ADHFE1: variants seen among roughly 807,000 people sequenced by gnomAD.
ADHFE1 encodes alcohol dehydrogenase iron containing 1.
Under a neutral mutation model 54.8 loss-of-function variants are expected in ADHFE1, and 37 were observed. That is an observed-to-expected ratio of 0.68 (90% CI 0.52 to 0.89). The LOEUF (loss-of-function observed/expected upper bound fraction) is 0.89. Among genes scored for constraint, ADHFE1 ranks in the 40% least tolerant of loss-of-function variants. The probability of loss-of-function intolerance (pLI) is 0.00; values close to 1 mark genes in which losing one functional copy is unlikely to be tolerated. For missense variants in ADHFE1, 601 were observed against 591.2 expected (o/e 1.02, Z -0.17); for synonymous variants, 203 against 229.3 (o/e 0.89, Z 1.04).
At chr8:66,459,428 ATATTT>A (rs1435228478) in intron 12 of ADHFE1, 9 of 107,310 alleles carry the variant, frequency 8.4e-5, no homozygotes, top group African/African-American at 3.5e-4. Context: ...ATATATATAT[ATATTT>A]TTTTTTTTTT....
rs2130437441 is a variant in ADHFE1 at position 66,453,810 on chromosome 8, G to A, written c.888-249G>A. ...AGGGACCAGCGCGTTGCCTCCCCCG[G>A]CGCTTTTACATCACATGAGCAGCTG... On this transcript the variant is annotated intron_variant, in intron 9 of 13. Transcript: ENST00000396623. The A allele has an allele frequency of 2.8e-6, 4 of 1,453,890 alleles. No individual in the cohort carries two copies. In the South Asian group the frequency reaches 4.5e-5, roughly 16 times the overall value. The allele number at this position is 1,453,890 out of a possible 1,614,324, so 90.1% of individuals were successfully genotyped here. A position where few individuals can be genotyped will look rare whatever the true frequency, so the allele number is the denominator to read the frequency against.
At position 66,454,114 on chromosome 8, in the gene ADHFE1, G is replaced by C. The variant is rs940472260; in HGVS notation, c.943G>C (p.Ala315Pro). ...AAGGTCTCATATGCACTTGGCAAGT[G>C]CTTTTGCTGGCATCGGCTTTGGAAA... The part of the protein sequence containing the change: ...EARSHMHLAS[A>P]FAGIGFGNAG... The change falls in exon 10 of 14, where the codon GCT (alanine) becomes CCT (proline). Residue 315 changes from alanine to proline, a missense_variant. Coordinates refer to ENST00000396623, the MANE Select transcript of ADHFE1 (RefSeq NM_144650.3). The C allele has an allele frequency of 3.7e-6, 6 of 1,614,036 alleles. No homozygotes were observed. In the Admixed American group the frequency reaches 5.0e-5, roughly 13 times the overall value.
At chr8:66,454,183 T>C in intron 10 of ADHFE1, 26 bp downstream of exon 10, 1 of 1,610,220 alleles carries the variant, frequency 6.2e-7, no homozygotes, top group South Asian at 1.1e-5. Flanking sequence ...ATTTCATTTC[T>C]TTACTCAAGC....
intron 13 of ADHFE1, among the ~76,000 whole-genome samples, chr8:66,467,940 T>G (rs543177988): frequency 1.3e-5 from 2 of 152,330 alleles, no homozygotes; most frequent in South Asian, 4.1e-4. Context: ...GAGCTCTGTG[T>G]GTACAGAGAA....
At chr8:66,442,672 TG>T (rs1193338398) in intron 2 of ADHFE1, 125 bp from the exon 3 acceptor site, 6 of 841,138 alleles carry the variant, frequency 7.1e-6, no homozygotes, top group Non-Finnish European at 9.5e-6. Flanking sequence ...CAGTGAAACC[TG>T]GAAAAAATAT....
At chr8:66,464,142 G>A (rs188705904) in intron 13 of ADHFE1, among the ~76,000 whole-genome samples, 48 of 152,210 alleles carry the variant, frequency 3.2e-4, no homozygotes, top group African/African-American at 9.1e-4. Context: ...AATTTATTTC[G>A]TTCCCATGTT....
intron 13 of ADHFE1, among the ~76,000 whole-genome samples, chr8:66,462,660 G>T (rs1232102459): frequency 6.6e-6 from 1 of 152,184 alleles, no homozygotes; most frequent in Non-Finnish European, 1.5e-5. Context: ...CCAGGAAAGT[G>T]TTCAGGAAAA....
chr8:66,457,018 A>G, intron 11 of ADHFE1, 52 bp from the exon 12 acceptor site: 1 of 1,576,310 alleles, frequency 6.3e-7, no homozygotes, highest in Admixed American at 1.7e-5. Context: ...TAGAATATGC[A>G]GGGAAGAACA....
At chr8:66,442,767 C>G (rs376575356) in intron 2 of ADHFE1, 31 bp from the exon 3 acceptor site, 3 of 1,580,506 alleles carry the variant, frequency 1.9e-6, no homozygotes, top group Non-Finnish European at 2.6e-6. Flanking sequence ...TTTTTAAAGA[C>G]CCACTTTGAT....
intron 13 of ADHFE1, among the ~76,000 whole-genome samples, chr8:66,461,349 A>G (rs746288934): frequency 3.3e-5 from 5 of 152,132 alleles, no homozygotes; most frequent in Non-Finnish European, 7.4e-5. Context: ...TTCCCTGACC[A>G]TGGAACAGAG....
chr8:66,446,786 AACACAT>A (rs1453420271), intron 6 of ADHFE1, among the ~76,000 whole-genome samples: 1 of 152,214 alleles, frequency 6.6e-6, no homozygotes, highest in Non-Finnish European at 1.5e-5. Flanking sequence ...CATGCATGCT[AACACAT>A]ACAGAGGTCA....
chr8:66,448,791 T>G, intron 7 of ADHFE1, 74 bp from the exon 8 acceptor site: 2 of 1,284,070 alleles, frequency 1.6e-6, no homozygotes. Context: ...GGGTGATTTA[T>G]TATCCTGAAG....
At position 66,468,421 on chromosome 8, in the gene ADHFE1, G is replaced by A. The variant is rs1807310630; in HGVS notation, c.*69G>A. 2 of 1,329,852 alleles carry A rather than the reference G, an allele frequency of 1.5e-6. No homozygotes were observed. Among genetic ancestry groups the A allele is most frequent in the Middle Eastern group, 1.9e-4 (1 of 5,280 alleles). 82.4% of individuals were successfully genotyped at this position (1,329,852 alleles called of 1,614,324 possible). A position where few individuals can be genotyped will look rare whatever the true frequency, so the allele number is the denominator to read the frequency against. On this transcript the variant is annotated 3_prime_UTR_variant, in exon 14 of 14. Coordinates refer to ENST00000396623, the MANE Select transcript of ADHFE1 (RefSeq NM_144650.3). The stretch of plus-strand genomic sequence containing the variant: ...TGAGAGCAAGAGCTGATCTAGCTAG[G>A]GCTTTGTCTTTTCATCTTTGCGCAT...
intron 10 of ADHFE1, among the ~76,000 whole-genome samples, chr8:66,455,758 A>G (rs977002643): frequency 7.2e-5 from 11 of 152,152 alleles, no homozygotes; most frequent in Admixed American, 2.0e-4. Context: ...CGTCTCTACA[A>G]AAGAAAATAC....
intron 10 of ADHFE1, among the ~76,000 whole-genome samples, 170 bp from the exon 11 acceptor site, chr8:66,456,647 T>A (rs575502179): frequency 1.3e-5 from 2 of 152,356 alleles, no homozygotes; most frequent in East Asian, 3.9e-4. Flanking sequence ...GCACTACATG[T>A]CCTAGACATC....
In ADHFE1 at chr8:66,446,727, ACATG is replaced by A. The variant is rs1806050729; in HGVS notation, c.551-531_551-528del. Among the ~76,000 whole-genome samples, 3 of 152,230 alleles carry A rather than the reference ACATG, an allele frequency of 2.0e-5. No homozygotes were observed. The East Asian group carries it at 5.8e-4, about 29-fold the overall frequency. On this transcript the variant is annotated intron_variant, in intron 6 of 13. Coordinates refer to ENST00000396623, the MANE Select transcript of ADHFE1 (RefSeq NM_144650.3). The stretch of plus-strand genomic sequence containing the variant: ...AGACACATACATGCATATTAAACAC[ACATG>A]CATGCTAAACATGCACGTATGTTAA...
chr8:66,465,721 T>G (rs893932955), intron 13 of ADHFE1, among the ~76,000 whole-genome samples: 4 of 151,984 alleles, frequency 2.6e-5, no homozygotes, highest in Non-Finnish European at 5.9e-5. Context: ...TGCCTTAGCC[T>G]CCTGAGTAAC....
intron 1 of ADHFE1, among the ~76,000 whole-genome samples, chr8:66,438,565 C>T (rs1361937191): frequency 6.6e-6 from 1 of 152,130 alleles, no homozygotes; most frequent in Non-Finnish European, 1.5e-5. Context: ...CACAGCCAGA[C>T]AGCTGGACTT....
At chr8:66,456,748 G>T in intron 10 of ADHFE1, 69 bp from the exon 11 acceptor site, 1 of 1,203,068 alleles carries the variant, frequency 8.3e-7, no homozygotes, top group East Asian at 2.4e-5. Context: ...CCCCATAAGA[G>T]TATCTTTCTA....
Sources: allele counts gnomAD v4.1 joint callset (sites outside exome capture counted in the v4.1 genomes callset), GRCh38; gene constraint gnomAD v4.1.1; transcripts MANE v1.5; gene names NCBI Gene and HGNC (gene_info 2026-07-23, HGNC 2026-07-21).